PAN3: variants seen among roughly 807,000 people sequenced by gnomAD.
PAN3 encodes poly(A) specific ribonuclease subunit PAN3.
PAN3 carries 19 observed loss-of-function variants against 96.2 expected under a neutral mutation model. The observed-to-expected ratio is 0.20, with a 90% CI of 0.14 to 0.29. The LOEUF (loss-of-function observed/expected upper bound fraction) is 0.29. PAN3 is among the 10% of genes least tolerant of loss of function. PAN3 has a pLI of 1.00. For missense variants in PAN3, 882 were observed against 1,108.1 expected (o/e 0.80, Z 2.90); for synonymous variants, 433 against 406.6 (o/e 1.06, Z -0.78).
At chr13:28,255,921 A>T (rs1208785473) in intron 6 of PAN3, among the ~76,000 whole-genome samples, 1 of 151,918 alleles carries the variant, frequency 6.6e-6, no homozygotes, top group African/African-American at 2.4e-5. Context: ...TAAAAGAAAA[A>T]CTTTTATAAA....
rs760932779 is a variant in PAN3 at position 28,197,216 on chromosome 13, A to G, written c.722A>G (p.Glu241Gly). The change falls in exon 5 of 19, where the codon GAG becomes GGG. Residue 241 changes from glutamate (E) to glycine (G), a missense_variant. By Grantham distance (98) the Glu-to-Gly change is moderately conservative. Coordinates refer to ENST00000380958, the MANE Select transcript of PAN3 (RefSeq NM_175854.8). Reference protein sequence around the residue: ...PRKYRLGMLEERLVPMGSKAR... With the variant: ...PRKYRLGMLEGRLVPMGSKAR... ...AAGTATCGCCTGGGGATGCTGGAGG[A>G]GAGGCTAGTTCCGATGGGATCAAAG... is the stretch of plus-strand genomic sequence containing the variant. 5.6e-6 allele frequency: 9 copies of G among 1,612,784 alleles called. No individual in the cohort carries two copies. The highest frequency in any genetic ancestry group is 6.8e-6 in the Non-Finnish European group (8 of 1,179,316).
At chr13:28,192,344 A>G (rs907559791) in intron 4 of PAN3, among the ~76,000 whole-genome samples, 1 of 152,352 alleles carries the variant, frequency 6.6e-6, no homozygotes, top group Admixed American at 6.5e-5. Flanking sequence ...CTGGGATTAT[A>G]GGCGTGAGCC....
chr13:28,213,603 T>C (rs1332359058), intron 5 of PAN3, among the ~76,000 whole-genome samples: 6 of 151,754 alleles, frequency 4.0e-5, no homozygotes, highest in Non-Finnish European at 5.9e-5. Flanking sequence ...TGAAACGTAC[T>C]ATGGTTATGT....
intron 17 of PAN3, among the ~76,000 whole-genome samples, 178 bp downstream of exon 17, chr13:28,281,557 T>A (rs1887468738): frequency 6.6e-6 from 1 of 152,192 alleles, no homozygotes; most frequent in Non-Finnish European, 1.5e-5. Context: ...TGGCTGTCCT[T>A]ACGAATTTTA....
chr13:28,198,625 A>T (rs1213337361), intron 5 of PAN3, among the ~76,000 whole-genome samples: 1 of 152,196 alleles, frequency 6.6e-6, no homozygotes, highest in Admixed American at 6.5e-5. Context: ...TTTTATTTCC[A>T]TTTTTAAAAA....
In PAN3 at chr13:28,176,477, A is replaced by G. The variant is rs1875013831; in HGVS notation, c.553-16A>G. ...TATTCCTCAGTGATGTTATAAATAAATATTTTGTTTTTCAGAGAATGACTA... is the reference window on the plus strand; with the variant it reads ...TATTCCTCAGTGATGTTATAAATAAGTATTTTGTTTTTCAGAGAATGACTA... On this transcript the variant is annotated splice_polypyrimidine_tract_variant and intron_variant, in intron 2 of 18. Transcript: ENST00000380958. 2 of 1,605,772 alleles carry G rather than the reference A, an allele frequency of 1.2e-6. No individual in the cohort carries two copies. The highest frequency in any genetic ancestry group is 1.7e-6 in the Non-Finnish European group (2 of 1,172,712).
chr13:28,172,937 A>C (rs1247336283), intron 1 of PAN3, among the ~76,000 whole-genome samples: 1 of 152,198 alleles, frequency 6.6e-6, no homozygotes, highest in African/African-American at 2.4e-5. Context: ...TGAGGGTTGC[A>C]ACCCAGGAGC....
chr13:28,168,126 A>G (rs1873827026), intron 1 of PAN3, among the ~76,000 whole-genome samples: 1 of 152,210 alleles, frequency 6.6e-6, no homozygotes, highest in Admixed American at 6.5e-5. Flanking sequence ...TGGGAGACAC[A>G]TTGAGACCAT....
intron 14 of PAN3, among the ~76,000 whole-genome samples, chr13:28,274,147 C>T (rs1234307237): frequency 6.6e-6 from 1 of 152,118 alleles, no homozygotes; most frequent in Admixed American, 6.5e-5. Context: ...GTGGGCAACA[C>T]AGGGAGGAAT....
chr13:28,139,148 G>A (rs1593335039), intron 1 of PAN3, 61 bp downstream of exon 1: 4 of 1,250,476 alleles, frequency 3.2e-6, no homozygotes, highest in Non-Finnish European at 4.0e-6. Context: ...GCCGGATGAG[G>A]CCCTGCTGCC....
chr13:28,160,398 TAGAG>T (rs1336708392), intron 1 of PAN3, among the ~76,000 whole-genome samples: 1 of 152,172 alleles, frequency 6.6e-6, no homozygotes, highest in Non-Finnish European at 1.5e-5. Flanking sequence ...GGGCACATTT[TAGAG>T]AGATTTGGTG....
chr13:28,272,514 C>G (rs1886710029), intron 14 of PAN3, among the ~76,000 whole-genome samples: 1 of 150,962 alleles, frequency 6.6e-6, no homozygotes, highest in Non-Finnish European at 1.5e-5. Context: ...TTATGATGTA[C>G]TTAGTGTAGA....
At chr13:28,227,021 G>A (rs772327964) in intron 6 of PAN3, among the ~76,000 whole-genome samples, 1 of 152,178 alleles carries the variant, frequency 6.6e-6, no homozygotes, top group Admixed American at 6.5e-5. Context: ...GCCCTGTAAT[G>A]AGGAGCTCAT....
chr13:28,293,254 T>G lies in PAN3; in HGVS notation c.*732T>G, dbSNP rs955026525. ...TCCTTCAAATTCAACTAGAGCCTTT[T>G]TAAAAAGACATTTGCCTGCTAGTCA... On this transcript the variant is annotated 3_prime_UTR_variant, in exon 19 of 19. Transcript: ENST00000380958. 6.6e-6 allele frequency: 1 copy of G among 152,166 alleles called. No homozygotes were observed. The highest frequency in any genetic ancestry group is 2.4e-5 in the African/African-American group (1 of 41,438). 9.4% of individuals were successfully genotyped at this position (152,166 alleles called of 1,614,324 possible).
intron 6 of PAN3, among the ~76,000 whole-genome samples, chr13:28,232,269 G>A (rs1018233085): frequency 6.6e-6 from 1 of 152,152 alleles, no homozygotes; most frequent in Non-Finnish European, 1.5e-5. Flanking sequence ...AGCAAAATAA[G>A]AGTAGAATTA....
At chr13:28,190,941 A>G (rs751454151) in intron 4 of PAN3, among the ~76,000 whole-genome samples, 43 of 152,244 alleles carry the variant, frequency 2.8e-4, no homozygotes, top group Middle Eastern at 3.2e-3. Flanking sequence ...CTGGTTATCA[A>G]TAGGATGTGG....
At chr13:28,251,380 C>T (rs1382613621) in intron 6 of PAN3, among the ~76,000 whole-genome samples, 4 of 152,180 alleles carry the variant, frequency 2.6e-5, no homozygotes, top group African/African-American at 7.2e-5. Context: ...TGTATGTTGT[C>T]ATTTTTGTGG....
At position 28,275,590 on chromosome 13, in the gene PAN3, C is replaced by T. The variant is rs1886989888; in HGVS notation, c.2050-1647C>T. Among the ~76,000 whole-genome samples the T allele has an allele frequency of 2.6e-5, 4 of 152,164 alleles. No homozygotes were observed. In the South Asian group the frequency reaches 8.3e-4, roughly 31 times the overall value. Reference sequence around the variant, plus strand: ...AATTTATAGTTGGCATTTATATGCACTGATTTCTTTTGGCTGAGATTTCTG... The same window carrying T: ...AATTTATAGTTGGCATTTATATGCATTGATTTCTTTTGGCTGAGATTTCTG... On this transcript the variant is annotated intron_variant, in intron 14 of 18. Transcript: ENST00000380958.
At chr13:28,187,027 C>G (rs1294046378) in intron 4 of PAN3, among the ~76,000 whole-genome samples, 2 of 151,990 alleles carry the variant, frequency 1.3e-5, no homozygotes, top group East Asian at 1.9e-4. Flanking sequence ...TGGTAAGACC[C>G]GTCTTTAAAA....
Sources: gnomAD v4.1 joint callset for allele counts (sites outside exome capture counted in the v4.1 genomes callset) on GRCh38, gnomAD v4.1.1 for gene constraint, MANE v1.5 for transcripts, NCBI Gene and HGNC (gene_info 2026-07-23, HGNC 2026-07-21) for gene names.